CHKA: variants seen among roughly 807,000 people sequenced by gnomAD.
CHKA encodes the protein CHETK-alpha.
A neutral mutation model predicts 60.1 loss-of-function variants in CHKA; 34 were observed. The ratio of observed to expected loss-of-function variants is 0.57; its 90% CI spans 0.43 to 0.75. CHKA has a LOEUF of 0.75. Among genes scored for constraint, CHKA ranks in the 30% least tolerant of loss-of-function variants. The pLI is 0.00. For missense variants in CHKA, 563 were observed against 561.3 expected (o/e 1.00, Z -0.03); for synonymous variants, 217 against 223.1 (o/e 0.97, Z 0.24).
intron 11 of CHKA, among the ~76,000 whole-genome samples, chr11:68,060,096 G>A (rs1039404456): frequency 2.1e-5 from 3 of 144,968 alleles, no homozygotes; most frequent in Non-Finnish European, 3.0e-5. Flanking sequence ...GCGTGATCTC[G>A]GCTCACTGCA....
intron 4 of CHKA, 87 bp downstream of exon 4, chr11:68,074,630 G>C: frequency 9.0e-7 from 1 of 1,105,588 alleles, no homozygotes; most frequent in Admixed American, 1.7e-5. Flanking sequence ...TGAAAACACA[G>C]CATTGCAGGT....
At chr11:68,119,800 G>A (rs1468859176) in intron 1 of CHKA, among the ~76,000 whole-genome samples, 1 of 152,160 alleles carries the variant, frequency 6.6e-6, no homozygotes, top group African/African-American at 2.4e-5. Flanking sequence ...TCAATAGAAG[G>A]ATGCACACAC....
At chr11:68,064,213 C>T (rs987796960) in intron 10 of CHKA, among the ~76,000 whole-genome samples, 21 of 152,148 alleles carry the variant, frequency 1.4e-4, no homozygotes, top group African/African-American at 4.8e-4. Context: ...TCAAGACTAG[C>T]CTGGCCAACA....
intron 11 of CHKA, among the ~76,000 whole-genome samples, chr11:68,059,981 T>A (rs1034955781): frequency 8.6e-5 from 13 of 152,038 alleles, no homozygotes; most frequent in Admixed American, 2.0e-4. Context: ...TGGTGAGATC[T>A]CCCATGTTTT....
chr11:68,057,102 T>C (rs1265554772), intron 11 of CHKA, among the ~76,000 whole-genome samples: 4 of 152,154 alleles, frequency 2.6e-5, no homozygotes, highest in Non-Finnish European at 1.5e-5. Context: ...CCATCTGGTG[T>C]CCACTCCAGA....
chr11:68,081,304 T>C, intron 3 of CHKA, 100 bp downstream of exon 3: 2 of 903,364 alleles, frequency 2.2e-6, no homozygotes, highest in Admixed American at 2.1e-5. Flanking sequence ...ATCAGGATTT[T>C]CCAAGGGTAG....
intron 2 of CHKA, chr11:68,081,696 T>A (rs926742011): frequency 2.3e-6 from 1 of 430,672 alleles, no homozygotes; most frequent in Non-Finnish European, 4.3e-6. Context: ...TGAGACCCGA[T>A]AGCTGCACGT....
chr11:68,079,699 T>C (rs1422396126), intron 3 of CHKA, among the ~76,000 whole-genome samples: 3 of 152,148 alleles, frequency 2.0e-5, no homozygotes, highest in African/African-American at 4.8e-5. Flanking sequence ...TAAAAATAAA[T>C]TCATATAAAA....
Position 68,120,941 on chromosome 11 carries a change from T to G in CHKA, c.237A>C (p.Ala79=). The change falls in exon 1 of 12, where the codon GCA becomes GCC. Residue 79 remains alanine (A), a synonymous_variant. Transcript: ENST00000265689. ...LPQPPPPQPP[A]DEQPEPRTRR... is the part of the protein sequence containing the mutation. ...GCGTCCGGGGCTCCGGCTGCTCGTC[T>G]GCGGGCGGCTGCGGCGGCGGGGGCT... 1 of 1,179,824 alleles carries G rather than the reference T, an allele frequency of 8.5e-7. No individual in the cohort carries two copies. Among genetic ancestry groups the G allele is most frequent in the Non-Finnish European group, 1.1e-6 (1 of 948,686 alleles). The allele number at this position is 1,179,824 out of a possible 1,614,324, so 73.1% of individuals were successfully genotyped here.
chr11:68,120,993 G>C lies in CHKA; in HGVS notation c.185C>G (p.Pro62Arg). 1 of 1,119,852 alleles carries C rather than the reference G, an allele frequency of 8.9e-7. No individual in the cohort carries two copies. The highest frequency in any genetic ancestry group is 1.1e-6 in the Non-Finnish European group (1 of 916,658). The allele number at this position is 1,119,852 out of a possible 1,614,324, so 69.4% of individuals were successfully genotyped here. A position where few individuals can be genotyped will look rare whatever the true frequency, so the allele number is the denominator to read the frequency against. ...QPPLALPPPP[P>R]LPLPLPLPQP... is the part of the protein sequence containing the mutation. Reference sequence around the variant, plus strand: ...GGGCAGCGGCAGCGGCAGCGGCAGCGGCGGCGGAGGGGGCAGCGCGAGCGG... The same window carrying C: ...GGGCAGCGGCAGCGGCAGCGGCAGCCGCGGCGGAGGGGGCAGCGCGAGCGG... The change falls in exon 1 of 12, where the codon CCG becomes CGG. Residue 62 changes from proline to arginine, a missense_variant. By Grantham distance (103) the Pro-to-Arg change is moderately radical. Transcript: ENST00000265689.
Position 68,074,720 on chromosome 11 carries a change from G to C in CHKA, c.627C>G (p.Ile209Met), listed in dbSNP as rs148056199. 6.2e-7 allele frequency: 1 copy of C among 1,614,038 alleles called. No individual in the cohort carries two copies. Among genetic ancestry groups the C allele is most frequent in the Non-Finnish European group, 8.5e-7 (1 of 1,179,880 alleles). ...AGCGTTTATGAACAAATCTTACCGG[G>C]ATGAACTGCTCCAGTCGGCCTTGGG... ...IFPQGRLEQF[I>M]PSRRLDTEEL... Residue 209 changes from isoleucine to methionine, a missense_variant, in exon 4 of 12, where the codon ATC (isoleucine) becomes ATG (methionine). By Grantham distance (10) the Ile-to-Met change is conservative (BLOSUM62 1). Transcript: ENST00000265689.
rs748090822 is a variant in CHKA, at chr11:68,120,841, T to G, written c.337A>C (p.Ile113Leu). Residue 113 changes from isoleucine (I) to leucine (L), a missense_variant, in exon 1 of 12, where the codon ATC becomes CTC. Ile to Leu is a conservative substitution (Grantham distance 5). Coordinates refer to ENST00000265689, the MANE Select transcript of CHKA (RefSeq NM_001277.3). ...WRGLREDEFHISVIRGGLSNM... is the reference protein window; with the variant it reads ...WRGLREDEFHLSVIRGGLSNM... ...GGCGCCACCGACCTGATGACACTGA[T>G]GTGGAACTCGTCCTCGCGGAGGCCC... is the stretch of plus-strand genomic sequence containing the variant. The G allele has an allele frequency of 3.0e-6, 4 of 1,320,952 alleles. No individual in the cohort carries two copies. The highest frequency in any genetic ancestry group is 9.8e-7 in the Non-Finnish European group (1 of 1,017,972). 81.8% of individuals were successfully genotyped at this position (1,320,952 alleles called of 1,614,324 possible).
intron 2 of CHKA, among the ~76,000 whole-genome samples, chr11:68,091,856 A>G (rs965472800): frequency 3.3e-5 from 5 of 152,252 alleles, no homozygotes; most frequent in African/African-American, 9.6e-5. Flanking sequence ...TGATTCTCAC[A>G]GAGGTAAAAT....
intron 11 of CHKA, among the ~76,000 whole-genome samples, chr11:68,057,534 T>C (rs1856069201): frequency 6.6e-6 from 1 of 152,218 alleles, no homozygotes. Context: ...TTAGCCAGGA[T>C]GGTCTCAATC....
chr11:68,064,550 C>G lies in CHKA; in HGVS notation c.1207G>C (p.Glu403Gln). 6.4e-7 allele frequency: 1 copy of G among 1,569,978 alleles called. No individual in the cohort carries two copies. Among genetic ancestry groups the G allele is most frequent in the Non-Finnish European group, 8.6e-7 (1 of 1,159,234 alleles). The change falls in exon 10 of 12, where the codon GAA becomes CAA. Residue 403 changes from glutamate to glutamine, a missense_variant. Transcript: ENST00000265689. Reference protein sequence around the residue: ...LSTEEKSIIKEEMLLEVNRFA... With the variant: ...LSTEEKSIIKQEMLLEVNRFA... The stretch of plus-strand genomic sequence containing the variant: ...CTATTAACTTCAAGCAACATTTCTT[C>G]TTTTATAATGGATTTTTCTTCAGTA...
At chr11:68,087,061 A>T (rs2134621506) in intron 2 of CHKA, among the ~76,000 whole-genome samples, 1 of 152,344 alleles carries the variant, frequency 6.6e-6, no homozygotes, top group African/African-American at 2.4e-5. Flanking sequence ...AACGTCCAAT[A>T]CTACATGAGC....
At position 68,066,482 on chromosome 11, in the gene CHKA, A is replaced by G; in HGVS notation, c.963T>C (p.Ser321=). ...CAATGAGCATCAGTTTCTGTTTTTC[A>G]GAATTCTCTCGGCCTTCCAGCAACA... is the stretch of plus-strand genomic sequence containing the variant. The part of the protein sequence containing the change: ...NILLLEGREN[S]EKQKLMLIDF... The change falls in exon 8 of 12, where the codon TCT becomes TCC. Residue 321 remains serine (S), a synonymous_variant. Coordinates refer to ENST00000265689, the MANE Select transcript of CHKA (RefSeq NM_001277.3). 6.2e-7 allele frequency: 1 copy of G among 1,614,210 alleles called. No homozygotes were observed. The highest frequency in any genetic ancestry group is 1.6e-4 in the Middle Eastern group (1 of 6,062).
In CHKA at chr11:68,097,083, G is replaced by C; in HGVS notation, c.398C>G (p.Thr133Arg). The change falls in exon 2 of 12, where the codon ACA becomes AGA. Residue 133 changes from threonine (T) to arginine (R), a missense_variant. Thr to Arg is a moderately conservative substitution (Grantham distance 71, BLOSUM62 -1). Coordinates refer to ENST00000265689, the MANE Select transcript of CHKA (RefSeq NM_001277.3). ...CCGAGGCTCATCACCAAGGGTGGCT[G>C]TGGTGTCAGGTAGGGAGCACTGGAA... ...MLFQCSLPDT[T>R]ATLGDEPRKV... 1 of 1,613,858 alleles carries C rather than the reference G, an allele frequency of 6.2e-7. No individual in the cohort carries two copies. The highest frequency in any genetic ancestry group is 8.5e-7 in the Non-Finnish European group (1 of 1,179,872).
At chr11:68,059,161 T>C (rs1017787854) in intron 11 of CHKA, among the ~76,000 whole-genome samples, 3 of 152,150 alleles carry the variant, frequency 2.0e-5, no homozygotes, top group Non-Finnish European at 2.9e-5. Flanking sequence ...TCCCAAAGTG[T>C]TGGGATTACA....
Sources: gnomAD v4.1 joint callset for allele counts (sites outside exome capture counted in the v4.1 genomes callset) on GRCh38, gnomAD v4.1.1 for gene constraint, MANE v1.5 for transcripts, NCBI Gene and HGNC (gene_info 2026-07-23, HGNC 2026-07-21) for gene names.